MGAT4A: variants seen among roughly 807,000 people sequenced by gnomAD.
The protein encoded by MGAT4A is alpha-1,3-mannosyl-glycoprotein 4-beta-N-acetylglucosaminyltransferase A.
MGAT4A carries 33 observed loss-of-function variants against 74.1 expected under a neutral mutation model. That is an observed-to-expected ratio of 0.45 (90% CI 0.34 to 0.60). MGAT4A has a LOEUF of 0.60. Among genes scored for constraint, MGAT4A ranks in the 20% least tolerant of loss-of-function variants. The pLI is 0.02. For missense variants in MGAT4A, 479 were observed against 628.3 expected (o/e 0.76, Z 2.54); for synonymous variants, 198 against 210.4 (o/e 0.94, Z 0.51).
At chr2:98,680,914 C>T (rs116142506) in intron 2 of MGAT4A, among the ~76,000 whole-genome samples, 1,998 of 152,310 alleles carry the variant, frequency 0.013, 18 homozygotes, top group Non-Finnish European at 0.021. Flanking sequence ...AATAAGAAGA[C>T]TCAGTCTTAC....
chr2:98,671,180 T>C (rs879812047), intron 4 of MGAT4A, among the ~76,000 whole-genome samples: 3 of 152,150 alleles, frequency 2.0e-5, no homozygotes, highest in Non-Finnish European at 2.9e-5. Flanking sequence ...CAAACAACTC[T>C]AGGTCCATCT....
At position 98,689,848 on chromosome 2, in the gene MGAT4A, T is replaced by A. The variant is rs866094516; in HGVS notation, c.95-11377A>T. Among the ~76,000 whole-genome samples, 6 of 151,790 alleles carry A rather than the reference T, an allele frequency of 4.0e-5. No homozygotes were observed. The South Asian group carries it at 1.2e-3, about 32-fold the overall frequency. On this transcript the variant is annotated intron_variant, in intron 2 of 15. Transcript: ENST00000393487. ...AACAACCACCACAAAAAATAAAAAA[T>A]AAGAAGACTTTGAAAGGTGGAAAGC...
chr2:98,669,142 G>A (rs1701877231), intron 4 of MGAT4A, among the ~76,000 whole-genome samples: 1 of 152,172 alleles, frequency 6.6e-6, no homozygotes, highest in African/African-American at 2.4e-5. Context: ...GTGAGGACAT[G>A]AGATTTGGGA....
intron 4 of MGAT4A, among the ~76,000 whole-genome samples, chr2:98,665,881 T>C (rs185286428): frequency 1.8e-4 from 27 of 152,262 alleles, no homozygotes; most frequent in African/African-American, 5.8e-4. Flanking sequence ...GATTTTGACA[T>C]AGTCAAGAAA....
At chr2:98,687,046 A>G (rs985902499) in intron 2 of MGAT4A, among the ~76,000 whole-genome samples, 2 of 152,180 alleles carry the variant, frequency 1.3e-5, no homozygotes, top group Non-Finnish European at 2.9e-5. Context: ...TTCAACAACC[A>G]CAAGGAGCTT....
rs766554724 is a variant in MGAT4A, at chr2:98,694,198, C to T, written c.95-15727G>A. 7 of 153,270 alleles carry T rather than the reference C, an allele frequency of 4.6e-5. No homozygotes were observed. The Middle Eastern group carries it at 0.014, about 309-fold the overall frequency. The allele number at this position is 153,270 out of a possible 1,614,324, so 9.5% of individuals were successfully genotyped here. A position where few individuals can be genotyped will look rare whatever the true frequency, so the allele number is the denominator to read the frequency against. ...CCAAGTGGGGCACCCAGCTGTCCAG[C>T]AAGGAGCGCAATCTGCTCTCAGTGG... On this transcript the variant is annotated intron_variant, in intron 2 of 15. Transcript: ENST00000393487.
intron 14 of MGAT4A, among the ~76,000 whole-genome samples, chr2:98,627,696 A>G (rs1461944545): frequency 6.6e-6 from 1 of 152,178 alleles, no homozygotes; most frequent in Non-Finnish European, 1.5e-5. Flanking sequence ...GAATTTTCAA[A>G]GTGATAATAG....
chr2:98,631,886 G>A (rs1289661150), intron 14 of MGAT4A, among the ~76,000 whole-genome samples: 4 of 151,708 alleles, frequency 2.6e-5, no homozygotes, highest in East Asian at 2.0e-4. Flanking sequence ...TTGGGAGGCC[G>A]AGGCCAGTGG....
intron 7 of MGAT4A, chr2:98,656,130 G>A (rs1030715043): frequency 2.2e-6 from 1 of 449,896 alleles, no homozygotes; most frequent in South Asian, 2.7e-5. Context: ...GGATCTAAAA[G>A]CTAGTTTAAG....
intron 2 of MGAT4A, among the ~76,000 whole-genome samples, chr2:98,680,188 C>A (rs938232693): frequency 6.6e-6 from 1 of 151,854 alleles, no homozygotes; most frequent in African/African-American, 2.4e-5. Context: ...GGATTACAGG[C>A]GCGCGCCACC....
chr2:98,704,426 T>C (rs1263602094), intron 2 of MGAT4A, among the ~76,000 whole-genome samples: 1 of 151,644 alleles, frequency 6.6e-6, no homozygotes, highest in African/African-American at 2.4e-5. Flanking sequence ...CAACATAGCA[T>C]GGCCCCATCT....
chr2:98,664,238 A>T (rs187005594), intron 4 of MGAT4A, among the ~76,000 whole-genome samples: 2,464 of 144,984 alleles, frequency 0.017, 28 homozygotes, highest in Middle Eastern at 0.032. Context: ...AAAAGAGAAA[A>T]CTTTGTGTAC....
At chr2:98,635,132 C>T (rs1285449004) in intron 14 of MGAT4A, 90 bp downstream of exon 14, 17 of 947,650 alleles carry the variant, frequency 1.8e-5, no homozygotes, top group Non-Finnish European at 2.6e-5. Context: ...AATTGTAATC[C>T]TCAAGTTGCT....
intron 3 of MGAT4A, among the ~76,000 whole-genome samples, chr2:98,677,801 A>ATTTTTTTTT (rs70940122): frequency 1.6e-5 from 2 of 121,356 alleles, no homozygotes; most frequent in Non-Finnish European, 1.7e-5. Context: ...CAGGTAATAA[A>ATTTTTTTTT]TTTTTTTTTT....
intron 2 of MGAT4A, among the ~76,000 whole-genome samples, chr2:98,712,144 C>T (rs1489712245): frequency 6.6e-6 from 1 of 152,202 alleles, no homozygotes; most frequent in African/African-American, 2.4e-5. Context: ...AAACACTACA[C>T]GTGCCCACTC....
At chr2:98,665,333 C>CG (rs1701808192) in intron 4 of MGAT4A, among the ~76,000 whole-genome samples, 1 of 114,892 alleles carries the variant, frequency 8.7e-6, no homozygotes, top group Admixed American at 9.5e-5. Context: ...CATCTCATCT[C>CG]AAAAAAAAAA....
chr2:98,725,151 A>G (rs1250700733), intron 2 of MGAT4A, among the ~76,000 whole-genome samples: 1 of 152,258 alleles, frequency 6.6e-6, no homozygotes, highest in East Asian at 1.9e-4. Context: ...TCTAAAATGT[A>G]CATATTTGTA....
At chr2:98,714,078 A>T (rs574325981) in intron 2 of MGAT4A, among the ~76,000 whole-genome samples, 7 of 152,288 alleles carry the variant, frequency 4.6e-5, no homozygotes, top group African/African-American at 1.7e-4. Flanking sequence ...CTATATTGGG[A>T]TAGTAAGAGC....
chr2:98,720,856 G>A (rs1702659103), intron 2 of MGAT4A, among the ~76,000 whole-genome samples: 2 of 152,090 alleles, frequency 1.3e-5, no homozygotes, highest in South Asian at 2.1e-4. Flanking sequence ...CAGAAGGAAA[G>A]GAGAGAGAAA....
Sources: allele counts gnomAD v4.1 joint callset (sites outside exome capture counted in the v4.1 genomes callset), GRCh38; gene constraint gnomAD v4.1.1; transcripts MANE v1.5; gene names NCBI Gene and HGNC (gene_info 2026-07-23, HGNC 2026-07-21).